The following BCAS4 variants were observed in gnomAD, a reference collection of about 807,000 sequenced individuals.
BCAS4 encodes breast carcinoma-amplified sequence 4.
In BCAS4, 9 loss-of-function variants were observed where a neutral mutation model predicts 15.7. That is an observed-to-expected ratio of 0.57 (90% CI 0.34 to 1.00). The LOEUF (loss-of-function observed/expected upper bound fraction) is 1.00, where lower values mean the gene tolerates loss of function less well. Ranked by LOEUF, BCAS4 falls within the 50% of genes least tolerant of loss-of-function variation. The pLI, the probability that BCAS4 is intolerant of heterozygous loss-of-function variation, is 0.02. For missense variants in BCAS4, 225 were observed against 239.1 expected (o/e 0.94, Z 0.39); for synonymous variants, 101 against 99.5 (o/e 1.02, Z -0.09).
At chr20:50,875,601 C>CTA (rs1979887121) in intron 4 of BCAS4, among the ~76,000 whole-genome samples, 1 of 79,282 alleles carries the variant, frequency 1.3e-5, no homozygotes, top group Non-Finnish European at 2.3e-5. Flanking sequence ...CTCATCTCTA[C>CTA]TAAAAAAAAA....
At chr20:50,863,992 A>G (rs1300581950) in intron 4 of BCAS4, among the ~76,000 whole-genome samples, 2 of 152,086 alleles carry the variant, frequency 1.3e-5, no homozygotes, top group African/African-American at 2.4e-5. Context: ...CCTTTGCCCC[A>G]TGGTGTTTTC....
At chr20:50,801,677 A>G (rs552570355) in intron 1 of BCAS4, among the ~76,000 whole-genome samples, 1 of 152,270 alleles carries the variant, frequency 6.6e-6, no homozygotes, top group East Asian at 1.9e-4. Flanking sequence ...GCATTGTGCC[A>G]TTCTGCTGTA....
chr20:50,848,534 T>C (rs892522719), intron 4 of BCAS4, among the ~76,000 whole-genome samples: 4 of 152,140 alleles, frequency 2.6e-5, no homozygotes, highest in African/African-American at 9.7e-5. Context: ...AGGGACCAGA[T>C]TGTGCAGGGT....
chr20:50,822,988 C>T (rs941730894), intron 2 of BCAS4, among the ~76,000 whole-genome samples: 7 of 151,996 alleles, frequency 4.6e-5, no homozygotes, highest in African/African-American at 4.8e-5. Flanking sequence ...TTGTCATTAC[C>T]GATAAGGAAT....
At chr20:50,800,478 G>A (rs2123744394) in intron 1 of BCAS4, among the ~76,000 whole-genome samples, 1 of 152,058 alleles carries the variant, frequency 6.6e-6, no homozygotes, top group Middle Eastern at 3.4e-3. Context: ...AGCTGGGTTG[G>A]CAGGTGAGTT....
At chr20:50,841,545 G>A (rs2088481649) in intron 3 of BCAS4, among the ~76,000 whole-genome samples, 1 of 152,142 alleles carries the variant, frequency 6.6e-6, no homozygotes, top group Non-Finnish European at 1.5e-5. Flanking sequence ...GTCCCTATGG[G>A]GAAAAAGCAA....
chr20:50,843,872 G>A (rs758300378), intron 4 of BCAS4, among the ~76,000 whole-genome samples: 3 of 152,208 alleles, frequency 2.0e-5, no homozygotes, highest in Non-Finnish European at 4.4e-5. Context: ...GGCCGGGCAC[G>A]GTGGCTTATG....
At chr20:50,842,682 T>C (rs1943770679) in intron 4 of BCAS4, among the ~76,000 whole-genome samples, 2 of 152,154 alleles carry the variant, frequency 1.3e-5, no homozygotes, top group African/African-American at 2.4e-5. Context: ...CCTCCCAAAG[T>C]GCTGGGATTA....
chr20:50,848,902 C>T (rs1194977899), intron 4 of BCAS4, among the ~76,000 whole-genome samples: 1 of 152,276 alleles, frequency 6.6e-6, no homozygotes, highest in Non-Finnish European at 1.5e-5. Context: ...GACAAATGTC[C>T]CTGAGACCCT....
rs927035756 is a variant in BCAS4 at position 50,876,942 on chromosome 20, G to C, written c.*334G>C. 2.1e-5 allele frequency: 4 copies of C among 188,582 alleles called. No homozygotes were observed. Among genetic ancestry groups the C allele is most frequent in the African/African-American group, 9.5e-5 (4 of 42,100 alleles). The allele number at this position is 188,582 out of a possible 1,614,324, so 11.7% of individuals were successfully genotyped here. On this transcript the variant is annotated 3_prime_UTR_variant, in exon 5 of 5. Coordinates refer to ENST00000371608, the MANE Select transcript of BCAS4 (RefSeq NM_198799.4). Reference sequence around the variant, plus strand: ...GTGGTGATGCCTCCCACATCGGCCTGCTTGGGGTTCTACAGGGGTTGAGGG... The same window carrying C: ...GTGGTGATGCCTCCCACATCGGCCTCCTTGGGGTTCTACAGGGGTTGAGGG...
At chr20:50,807,425 C>T (rs1184684453) in intron 1 of BCAS4, among the ~76,000 whole-genome samples, 1 of 152,178 alleles carries the variant, frequency 6.6e-6, no homozygotes. Flanking sequence ...AACTCCTGAC[C>T]TCAAGTGATC....
intron 2 of BCAS4, among the ~76,000 whole-genome samples, chr20:50,821,483 C>T (rs909870062): frequency 2.0e-4 from 30 of 152,200 alleles, no homozygotes; most frequent in African/African-American, 6.8e-4. Context: ...TGTGGGGCTA[C>T]ATGACTACAG....
chr20:50,851,823 CT>C lies in BCAS4; in HGVS notation c.399+9924del, dbSNP rs1003028561. On this transcript the variant is annotated intron_variant, in intron 4 of 4. Coordinates refer to ENST00000371608, the MANE Select transcript of BCAS4 (RefSeq NM_198799.4). This position sits in a 1 kb window ranked among gnomAD's most constrained non-coding sequence, Gnocchi z 4.3. ...AAGCCCCAGTCACACGGTCCCACCC[CT>C]GGGAAGCCGCCTGGGTTCCCCCAGC... Among the ~76,000 whole-genome samples, 84 of 152,366 alleles carry C rather than the reference CT, an allele frequency of 5.5e-4. No homozygotes were observed. The highest frequency in any genetic ancestry group is 2.0e-3 in the African/African-American group (83 of 41,596).
intron 3 of BCAS4, among the ~76,000 whole-genome samples, chr20:50,831,220 A>T (rs2088339410): frequency 6.6e-6 from 1 of 152,036 alleles, no homozygotes; most frequent in East Asian, 1.9e-4. Context: ...ATGGAGGCCA[A>T]GAGTTCGAAA....
chr20:50,843,303 A>G (rs2123810461), intron 4 of BCAS4, among the ~76,000 whole-genome samples: 1 of 152,266 alleles, frequency 6.6e-6, no homozygotes, highest in South Asian at 2.1e-4. Context: ...GGCATTTTAT[A>G]TGCAGTAATT....
chr20:50,794,970 C>T (rs1489445936), upstream of BCAS4: 3 of 1,231,992 alleles, frequency 2.4e-6, no homozygotes, highest in Admixed American at 1.3e-4. Context: ...ACCTGCCCCG[C>T]CTCCGCCAGG....
chr20:50,848,708 A>G (rs1453820886), intron 4 of BCAS4, among the ~76,000 whole-genome samples: 1 of 152,250 alleles, frequency 6.6e-6, no homozygotes, highest in Non-Finnish European at 1.5e-5. Flanking sequence ...CTTGAACACC[A>G]GAGCTGAGCA....
At chr20:50,871,982 G>A (rs1010025541) in intron 4 of BCAS4, among the ~76,000 whole-genome samples, 6 of 152,190 alleles carry the variant, frequency 3.9e-5, no homozygotes, top group Admixed American at 1.3e-4. Context: ...AGATGCAGCC[G>A]GGCATGGTGG....
At chr20:50,869,003 GT>G (rs1273073819) in intron 4 of BCAS4, among the ~76,000 whole-genome samples, 6 of 152,342 alleles carry the variant, frequency 3.9e-5, no homozygotes, top group African/African-American at 1.4e-4. Flanking sequence ...TGTGGATTTT[GT>G]CTTCCTGGTC....
Sources: gnomAD v4.1 joint callset for allele counts (sites outside exome capture counted in the v4.1 genomes callset) on GRCh38, gnomAD v4.1.1 for gene constraint, Gnocchi (gnomAD v3.1) non-coding constraint, MANE v1.5 for transcripts, NCBI Gene and HGNC (gene_info 2026-07-23, HGNC 2026-07-21) for gene names.